The following TMEM266 variants were observed in gnomAD, a reference collection of about 807,000 sequenced individuals.
TMEM266 encodes Hv1 related protein 1.
TMEM266 carries 33 observed loss-of-function variants against 50.5 expected under a neutral mutation model. The ratio of observed to expected loss-of-function variants is 0.65; its 90% CI spans 0.50 to 0.87. TMEM266 has a LOEUF of 0.87. TMEM266 is among the 40% of genes least tolerant of loss of function. The probability of loss-of-function intolerance (pLI) is 0.00; values close to 1 mark genes in which losing one functional copy is unlikely to be tolerated. For missense variants in TMEM266, 655 were observed against 695.1 expected (o/e 0.94, Z 0.65); for synonymous variants, 310 against 292.3 (o/e 1.06, Z -0.62).
At chr15:76,062,782 CT>C (rs932660846) in intron 1 of TMEM266, among the ~76,000 whole-genome samples, 1 of 151,654 alleles carries the variant, frequency 6.6e-6, no homozygotes, top group South Asian at 2.1e-4. Context: ...TTCTGGACTA[CT>C]TTTTTTTTCT....
intron 1 of TMEM266, among the ~76,000 whole-genome samples, chr15:76,121,200 G>T (rs1030855155): frequency 1.3e-5 from 2 of 152,128 alleles, no homozygotes; most frequent in African/African-American, 4.8e-5. Context: ...GAAGTTGAAA[G>T]ATTAAGGTGG....
chr15:76,110,574 G>A (rs1264176767), intron 1 of TMEM266, among the ~76,000 whole-genome samples: 2 of 152,166 alleles, frequency 1.3e-5, no homozygotes, highest in African/African-American at 2.4e-5. Flanking sequence ...GCCAAGTCAA[G>A]CCCATAGACA....
chr15:76,091,995 A>AAAAAG (rs568735957), intron 1 of TMEM266, among the ~76,000 whole-genome samples: 1,820 of 152,088 alleles, frequency 0.012, 20 homozygotes, highest in Non-Finnish European at 0.019. Context: ...GTCTCAAAAG[A>AAAAAG]AAAAGAAAAG....
At chr15:76,140,455 T>C (rs1200596934) in intron 3 of TMEM266, among the ~76,000 whole-genome samples, 2 of 152,156 alleles carry the variant, frequency 1.3e-5, no homozygotes, top group East Asian at 1.9e-4. Flanking sequence ...CTGAGCTTGG[T>C]TTCAGTCTTG....
intron 2 of TMEM266, among the ~76,000 whole-genome samples, chr15:76,136,195 G>A (rs2037586656): frequency 6.6e-6 from 1 of 152,096 alleles, no homozygotes; most frequent in South Asian, 2.1e-4. Context: ...CACCTGCCTT[G>A]GCCTCCCAAA....
At chr15:76,061,870 G>A (rs1430880320) in intron 1 of TMEM266, among the ~76,000 whole-genome samples, 1 of 152,166 alleles carries the variant, frequency 6.6e-6, no homozygotes, top group Non-Finnish European at 1.5e-5. Flanking sequence ...AGTCATCAGA[G>A]CAACATTGTC....
At chr15:76,172,727 A>C (rs1471057894) in intron 7 of TMEM266, among the ~76,000 whole-genome samples, 1 of 152,182 alleles carries the variant, frequency 6.6e-6, no homozygotes, top group Non-Finnish European at 1.5e-5. Flanking sequence ...AAGAAGGATG[A>C]GGGTCACATA....
chr15:76,162,441 C>T (rs1478434671), intron 5 of TMEM266, among the ~76,000 whole-genome samples: 3 of 152,208 alleles, frequency 2.0e-5, no homozygotes, highest in Admixed American at 1.3e-4. Flanking sequence ...GGTCTCCTGC[C>T]TCCAGACAGC....
intron 3 of TMEM266, among the ~76,000 whole-genome samples, chr15:76,146,260 A>G (rs181125058): frequency 6.6e-6 from 1 of 152,334 alleles, no homozygotes; most frequent in East Asian, 1.9e-4. Context: ...ACACATAGAG[A>G]TAAAGATGCT....
chr15:76,077,334 G>A (rs1380346978), intron 1 of TMEM266, among the ~76,000 whole-genome samples: 2 of 151,982 alleles, frequency 1.3e-5, no homozygotes, highest in African/African-American at 4.8e-5. Flanking sequence ...TTGGAAATAA[G>A]ATTGTCTTAA....
At chr15:76,171,222 C>A in intron 7 of TMEM266, 91 bp downstream of exon 7, 2 of 1,514,788 alleles carry the variant, frequency 1.3e-6, no homozygotes, top group South Asian at 1.3e-5. Flanking sequence ...GGGGGTACAC[C>A]CTGCTGGCGT....
In TMEM266 at chr15:76,153,830, T is replaced by C. The variant is rs1326324314; in HGVS notation, c.228-2774T>C. Among the ~76,000 whole-genome samples, 2 of 152,060 alleles carry C rather than the reference T, an allele frequency of 1.3e-5. No individual in the cohort carries two copies. Among genetic ancestry groups the C allele is most frequent in the Admixed American group, 6.5e-5 (1 of 15,272 alleles). On this transcript the variant is annotated intron_variant, in intron 3 of 10. Coordinates refer to ENST00000388942, the MANE Select transcript of TMEM266 (RefSeq NM_152335.3). The surrounding 1 kb of genome is among the most constrained non-coding windows in gnomAD (Gnocchi z 4.2). Reference sequence around the variant, plus strand: ...GGCCAAGTGATGATAGCCAAAGATATCTTAAAATGCAAAGGCTCGTTAATG... The same window carrying C: ...GGCCAAGTGATGATAGCCAAAGATACCTTAAAATGCAAAGGCTCGTTAATG...
At chr15:76,084,599 T>G (rs67626962) in intron 1 of TMEM266, among the ~76,000 whole-genome samples, 3 of 82,694 alleles carry the variant, frequency 3.6e-5, no homozygotes, top group East Asian at 5.9e-4. Flanking sequence ...TTTTTTTTGG[T>G]TTTTTTTTTT....
At chr15:76,200,385 G>A (rs2142090896) in intron 9 of TMEM266, among the ~76,000 whole-genome samples, 1 of 152,316 alleles carries the variant, frequency 6.6e-6, no homozygotes, top group Non-Finnish European at 1.5e-5. Flanking sequence ...AGCGCCATCG[G>A]GGTACAGATG....
At position 76,149,779 on chromosome 15, in the gene TMEM266, C is replaced by T. The variant is rs113961096; in HGVS notation, c.228-6825C>T. Among the ~76,000 whole-genome samples the T allele has an allele frequency of 2.2e-4, 33 of 152,262 alleles. 1 individual carries two copies. The highest frequency in any genetic ancestry group is 4.8e-4 in the African/African-American group (20 of 41,546). On this transcript the variant is annotated intron_variant, in intron 3 of 10. Coordinates refer to ENST00000388942, the MANE Select transcript of TMEM266 (RefSeq NM_152335.3). ...GGACTTGCCTTTTAAAGCAACTAGA[C>T]GAGTTAACATTTGTAAAGTGCTCAC...
intron 1 of TMEM266, among the ~76,000 whole-genome samples, chr15:76,094,751 T>A (rs2036899000): frequency 6.6e-6 from 1 of 152,120 alleles, no homozygotes; most frequent in African/African-American, 2.4e-5. Context: ...TCCATGAGCA[T>A]GGAATGTTTT....
chr15:76,159,898 C>T lies in TMEM266; in HGVS notation c.383-197C>T, dbSNP rs527899779. 1.1e-3 allele frequency among the ~76,000 whole-genome samples: 166 copies of T among 152,240 alleles called. 1 individual carries two copies. The East Asian group carries it at 0.024, about 22-fold the overall frequency. ...GAGGCAAGAAGAACAGCATCGTTGGCTCCCAAATGTCCTACTGCCTTCACT... is the reference window on the plus strand; with the variant it reads ...GAGGCAAGAAGAACAGCATCGTTGGTTCCCAAATGTCCTACTGCCTTCACT... On this transcript the variant is annotated intron_variant, in intron 4 of 10. Transcript: ENST00000388942.
Position 76,174,483 on chromosome 15 carries a change from G to A in TMEM266, c.653-1076G>A, listed in dbSNP as rs2038240998. 3.3e-5 allele frequency among the ~76,000 whole-genome samples: 5 copies of A among 152,098 alleles called. No individual in the cohort carries two copies. The South Asian group carries it at 1.0e-3, about 32-fold the overall frequency. On this transcript the variant is annotated intron_variant, in intron 7 of 10. Coordinates refer to ENST00000388942, the MANE Select transcript of TMEM266 (RefSeq NM_152335.3). ...GGAGAATCACTTGAACTTGGGAGACGGAGGTTGCAATGAGCTGAGATCGCC... is the reference window on the plus strand; with the variant it reads ...GGAGAATCACTTGAACTTGGGAGACAGAGGTTGCAATGAGCTGAGATCGCC...
At position 76,204,148 on chromosome 15, in the gene TMEM266, G is replaced by C. The variant is rs758847948; in HGVS notation, c.1429G>C (p.Glu477Gln). 1 of 1,613,570 alleles carries C rather than the reference G, an allele frequency of 6.2e-7. No homozygotes were observed. Among genetic ancestry groups the C allele is most frequent in the Admixed American group, 1.7e-5 (1 of 60,026 alleles). The stretch of plus-strand genomic sequence containing the variant: ...AGCGGGCTCGGCCCAAACCAGCCCC[G>C]AGCTGGAACACAGGGTAAGTCTGTT... The change falls in exon 11 of 11, where the codon GAG becomes CAG. Residue 477 changes from glutamate (E) to glutamine (Q), a missense_variant. Glu to Gln is a conservative substitution (Grantham distance 29). This residue lies in a region of TMEM266 where 455 missense variants were observed against 401.8 expected (regional missense o/e 1.13). Transcript: ENST00000388942.
Sources: allele counts gnomAD v4.1 joint callset (sites outside exome capture counted in the v4.1 genomes callset), GRCh38; gene constraint gnomAD v4.1.1; regional missense constraint gnomAD v4.1.1; non-coding constraint Gnocchi (gnomAD v3.1); transcripts MANE v1.5; gene names NCBI Gene and HGNC (gene_info 2026-07-23, HGNC 2026-07-21).